Variants in RANBP17 observed in about 807,000 individuals in gnomAD.
The protein encoded by RANBP17 is RAN binding protein 17.
Under a neutral mutation model 141.2 loss-of-function variants are expected in RANBP17, and 158 were observed. The observed-to-expected ratio is 1.12, with a 90% CI of 0.98 to 1.28. RANBP17 has a LOEUF of 1.28. Ranked by LOEUF, RANBP17 falls within the 50% of genes most tolerant of loss-of-function variation. The pLI is 0.00. For synonymous variants in RANBP17, 430 were observed against 450.0 expected (o/e 0.96, Z 0.56); for missense variants, 1,438 against 1,290.7 (o/e 1.11, Z -1.75).
chr5:171,158,956 T>C (rs967866478), intron 14 of RANBP17, among the ~76,000 whole-genome samples: 1 of 152,224 alleles, frequency 6.6e-6, no homozygotes, highest in African/African-American at 2.4e-5. Context: ...ATGAGAAATA[T>C]CTAGGAAATA....
intron 13 of RANBP17, among the ~76,000 whole-genome samples, chr5:170,966,005 T>C (rs200390765): frequency 1.3e-5 from 2 of 152,092 alleles, no homozygotes; most frequent in Non-Finnish European, 2.9e-5. Flanking sequence ...GGCCATTTTA[T>C]CTCTGAATAG....
At chr5:170,975,414 A>G (rs1184522607) in intron 14 of RANBP17, among the ~76,000 whole-genome samples, 2 of 152,104 alleles carry the variant, frequency 1.3e-5, no homozygotes, top group Non-Finnish European at 2.9e-5. Flanking sequence ...CTGTAATCTC[A>G]ACTACTCTGG....
intron 14 of RANBP17, among the ~76,000 whole-genome samples, chr5:170,980,422 C>G (rs1049073188): frequency 6.6e-6 from 1 of 152,184 alleles, no homozygotes; most frequent in Non-Finnish European, 1.5e-5. Flanking sequence ...GTGGGAGCCC[C>G]TCCCATCACA....
chr5:171,295,881 C>A lies in RANBP17; in HGVS notation c.3043-6C>A. On this transcript the variant is annotated splice_polypyrimidine_tract_variant and splice_region_variant and intron_variant, in intron 26 of 27. Transcript: ENST00000523189. ...GGAGCTCTGACACTATTCTGTCTCC[C>A]ATCAGTATTTCAGTGAACTGAGAGC... 6.2e-7 allele frequency: 1 copy of A among 1,612,202 alleles called. No homozygotes were observed. The highest frequency in any genetic ancestry group is 1.1e-5 in the South Asian group (1 of 90,888).
intron 24 of RANBP17, among the ~76,000 whole-genome samples, chr5:171,260,026 G>A (rs1052402454): frequency 6.7e-6 from 1 of 149,586 alleles, no homozygotes; most frequent in Admixed American, 6.7e-5. Flanking sequence ...TAGGTCGGGC[G>A]CAGTGGCTCA....
intron 14 of RANBP17, among the ~76,000 whole-genome samples, chr5:171,133,166 G>C (rs1165467600): frequency 6.6e-6 from 1 of 152,220 alleles, no homozygotes; most frequent in East Asian, 1.9e-4. Flanking sequence ...TTACAGGCTT[G>C]AGCCACCGCG....
chr5:171,147,674 A>G (rs1758154930), intron 14 of RANBP17, among the ~76,000 whole-genome samples: 1 of 152,006 alleles, frequency 6.6e-6, no homozygotes, highest in Non-Finnish European at 1.5e-5. Context: ...TCAGCCTCCC[A>G]AAGTACTGAG....
At chr5:171,027,037 C>G (rs1781278088) in intron 14 of RANBP17, among the ~76,000 whole-genome samples, 1 of 152,156 alleles carries the variant, frequency 6.6e-6, no homozygotes, top group South Asian at 2.1e-4. Flanking sequence ...TCATGAGACT[C>G]TAATGCCTAT....
intron 14 of RANBP17, among the ~76,000 whole-genome samples, chr5:171,090,632 A>T (rs1157492329): frequency 6.7e-6 from 1 of 149,140 alleles, no homozygotes. Context: ...AGCTGCTCTC[A>T]TCAAGCCCAG....
chr5:171,078,371 G>A (rs1785067623), intron 14 of RANBP17, among the ~76,000 whole-genome samples: 1 of 152,034 alleles, frequency 6.6e-6, no homozygotes, highest in South Asian at 2.1e-4. Flanking sequence ...GGCAAGGCTG[G>A]TCTCAAACTC....
In RANBP17 at chr5:171,293,899, T is replaced by G. The variant is rs1768660645; in HGVS notation, c.2960T>G (p.Met987Arg). The stretch of plus-strand genomic sequence containing the variant: ...ATCTTCTAGATGATGTCTGTCCTCA[T>G]GAACACCATTGTCTTTGAAGACTGT... The part of the protein sequence containing the change: ...DVLQQMMSVL[M>R]NTIVFEDCRN... Residue 987 changes from methionine to arginine, a missense_variant, in exon 26 of 28, where the codon ATG becomes AGG. Physicochemically the swap from Met to Arg is moderately conservative, Grantham distance 91. Coordinates refer to ENST00000523189, the MANE Select transcript of RANBP17 (RefSeq NM_022897.5). 2 of 1,613,316 alleles carry G rather than the reference T, an allele frequency of 1.2e-6. No individual in the cohort carries two copies. The highest frequency in any genetic ancestry group is 1.7e-6 in the Non-Finnish European group (2 of 1,179,380).
At chr5:171,006,757 AAGAAT>A in intron 14 of RANBP17, among the ~76,000 whole-genome samples, 1 of 151,590 alleles carries the variant, frequency 6.6e-6, no homozygotes, top group Non-Finnish European at 1.5e-5. Context: ...AAAAAAAAAA[AAGAAT>A]AGGTCGGCCT....
chr5:171,271,191 TAAGCTGAAAGAA>T (rs1767097469), intron 25 of RANBP17: 1 of 154,430 alleles, frequency 6.5e-6, no homozygotes, highest in Non-Finnish European at 1.3e-5. Context: ...AGTAGGGACT[TAAGCTGAAAGAA>T]CATTCACCCT....
At chr5:171,171,660 A>G (rs1445797) in intron 16 of RANBP17, among the ~76,000 whole-genome samples, 135,818 of 151,944 alleles carry the variant, frequency 0.89, 60,899 homozygotes, top group East Asian at 1. Flanking sequence ...TAAGGAGGTC[A>G]AAATGTTCTA....
chr5:171,072,403 T>C (rs1784682878), intron 14 of RANBP17, among the ~76,000 whole-genome samples: 1 of 151,218 alleles, frequency 6.6e-6, no homozygotes, highest in South Asian at 2.1e-4. Flanking sequence ...GACAATTTGT[T>C]ACAGCAGTAA....
At chr5:170,888,416 G>A (rs1036744655) in intron 3 of RANBP17, among the ~76,000 whole-genome samples, 2 of 151,948 alleles carry the variant, frequency 1.3e-5, no homozygotes, top group African/African-American at 4.8e-5. Flanking sequence ...TTCCTCATAT[G>A]GGTCTTGTAC....
chr5:171,148,802 G>A (rs1231944439), intron 14 of RANBP17, among the ~76,000 whole-genome samples: 1 of 152,122 alleles, frequency 6.6e-6, no homozygotes, highest in Admixed American at 6.6e-5. Context: ...AATGTGATTG[G>A]TGTGATATTA....
At chr5:171,037,089 T>C (rs779640494) in intron 14 of RANBP17, among the ~76,000 whole-genome samples, 2 of 152,158 alleles carry the variant, frequency 1.3e-5, no homozygotes, top group Non-Finnish European at 2.9e-5. Context: ...CTCTGCAGCT[T>C]TGCCAGCATC....
chr5:171,116,442 A>G (rs748343219), intron 14 of RANBP17, among the ~76,000 whole-genome samples: 1 of 152,218 alleles, frequency 6.6e-6, no homozygotes, highest in African/African-American at 2.4e-5. Context: ...TAAAATATTA[A>G]TAACACTGGT....
Sources: allele counts gnomAD v4.1 joint callset (sites outside exome capture counted in the v4.1 genomes callset), GRCh38; gene constraint gnomAD v4.1.1; transcripts MANE v1.5; gene names NCBI Gene and HGNC (gene_info 2026-07-23, HGNC 2026-07-21).